Variants in DCHS2 observed in about 807,000 individuals in gnomAD.
The protein encoded by DCHS2 is protocadherin-23.
In DCHS2, 142 loss-of-function variants were observed where a neutral mutation model predicts 182.4. The observed-to-expected ratio is 0.78, with a 90% CI of 0.68 to 0.89. The LOEUF (loss-of-function observed/expected upper bound fraction) is 0.89, where lower values mean the gene tolerates loss of function less well. DCHS2 is among the 40% of genes least tolerant of loss of function. The pLI is 0.00. For synonymous variants in DCHS2, 1,740 were observed against 1,663.3 expected, an observed-to-expected ratio of 1.05 and a Z score of -1.12; for missense variants, 4,319 against 4,198.6, an observed-to-expected ratio of 1.03 and a Z score of -0.79.
intron 3 of DCHS2, among the ~76,000 whole-genome samples, chr4:154,354,099 T>C (rs919014058): frequency 1.1e-4 from 16 of 152,118 alleles, no homozygotes; most frequent in Admixed American, 1.0e-3. Flanking sequence ...GTTAACATTG[T>C]ATTTTTAGTG....
intron 1 of DCHS2, among the ~76,000 whole-genome samples, chr4:154,488,886 A>G (rs1012589410): frequency 8.5e-5 from 10 of 118,036 alleles, no homozygotes; most frequent in African/African-American, 2.1e-4. Context: ...AAATATATAT[A>G]TGTGTGTGTG....
intron 1 of DCHS2, among the ~76,000 whole-genome samples, chr4:154,452,469 C>T (rs916093389): frequency 1.3e-5 from 2 of 151,768 alleles, no homozygotes; most frequent in Non-Finnish European, 1.5e-5. Flanking sequence ...AATAAAAATA[C>T]AAAAATTAGC....
In DCHS2 at chr4:154,304,784, A is replaced by T. The variant is rs1425513377; in HGVS notation, c.5490T>A (p.Ile1830=). 1 of 1,613,892 alleles carries T rather than the reference A, an allele frequency of 6.2e-7. No individual in the cohort carries two copies. The highest frequency in any genetic ancestry group is 1.3e-5 in the African/African-American group (1 of 74,920). ...EDENDHAPEF[I]VSSYDIEVLE... is the part of the protein sequence containing the mutation. Reference sequence around the variant, plus strand: ...GAACCTCAATGTCATAACTGGAAACAATAAACTCTGGTGCGTGATCGTTTT... The same window carrying T: ...GAACCTCAATGTCATAACTGGAAACTATAAACTCTGGTGCGTGATCGTTTT... Residue 1830 remains isoleucine, a synonymous_variant, in exon 12 of 20, where the codon ATT becomes ATA. Coordinates refer to ENST00000357232, the MANE Select transcript of DCHS2 (RefSeq NM_001358235.2).
chr4:154,459,177 T>C, intron 1 of DCHS2, among the ~76,000 whole-genome samples: 1 of 152,064 alleles, frequency 6.6e-6, no homozygotes, highest in Non-Finnish European at 1.5e-5. Flanking sequence ...ATTTCAACAT[T>C]AGATTTGTCA....
chr4:154,378,520 AGAAGGAAGGAAGGAAG>A (rs70947162), intron 1 of DCHS2, among the ~76,000 whole-genome samples: 3 of 64,016 alleles, frequency 4.7e-5, no homozygotes, highest in South Asian at 8.9e-4. Flanking sequence ...AAGGAAGGAA[AGAAGGAAGGAAGGAAG>A]GAAGGAAGGA....
In DCHS2 at chr4:154,320,729, G is replaced by T; in HGVS notation, c.4670C>A (p.Thr1557Lys). 1.9e-6 allele frequency: 3 copies of T among 1,614,050 alleles called. No individual in the cohort carries two copies. The highest frequency in any genetic ancestry group is 2.5e-6 in the Non-Finnish European group (3 of 1,179,992). The change falls in exon 9 of 20, where the codon ACG becomes AAG. Residue 1557 changes from threonine to lysine, a missense_variant. By Grantham distance (78) the Thr-to-Lys change is moderately conservative. Transcript: ENST00000357232. Reference protein sequence around the residue: ...QYYIESHNPGTNPFLIHPSFG... With the variant: ...QYYIESHNPGKNPFLIHPSFG... ...TGAGGGGTGGATGAGAAATGGATTCGTGCCAGGGTTGTGGGATTCAATGTA... is the reference window on the plus strand; with the variant it reads ...TGAGGGGTGGATGAGAAATGGATTCTTGCCAGGGTTGTGGGATTCAATGTA...
At position 154,234,979 on chromosome 4, in the gene DCHS2, C is replaced by G. The variant is rs776823584; in HGVS notation, c.9673G>C (p.Asp3225His). The change falls in exon 20 of 20, where the codon GAT (aspartate) becomes CAT (histidine). Residue 3225 changes from aspartate to histidine, a missense_variant. By Grantham distance (81) the Asp-to-His change is moderately conservative (BLOSUM62 -1). Transcript: ENST00000357232. ...TGATAGTTGTCTTTTCCATCATGAT[C>G]AGAGGTCGTCTGAGTTGAAAGAGCT... ...CAALSTQTTS[D>H]HDGKDNYHWN... The G allele has an allele frequency of 6.2e-7, 1 of 1,614,050 alleles. No homozygotes were observed. Among genetic ancestry groups the G allele is most frequent in the East Asian group, 2.2e-5 (1 of 44,846 alleles).
intron 1 of DCHS2, among the ~76,000 whole-genome samples, chr4:154,405,115 T>C (rs955062267): frequency 5.3e-5 from 8 of 151,974 alleles, no homozygotes; most frequent in African/African-American, 1.9e-4. Context: ...CCAGGCCTGG[T>C]GGCGGTCACC....
chr4:154,468,801 A>G (rs189261417), intron 1 of DCHS2, among the ~76,000 whole-genome samples: 28 of 152,290 alleles, frequency 1.8e-4, no homozygotes, highest in African/African-American at 6.7e-4. Flanking sequence ...ACTATTCATT[A>G]AAATACCAAA....
intron 3 of DCHS2, among the ~76,000 whole-genome samples, chr4:154,338,543 C>T (rs995195488): frequency 6.6e-6 from 1 of 152,142 alleles, no homozygotes; most frequent in African/African-American, 2.4e-5. Flanking sequence ...TGTACATTCT[C>T]CAAAAGGCAC....
chr4:154,251,541 A>AAAG (rs1284376838), intron 16 of DCHS2, among the ~76,000 whole-genome samples: 2 of 152,094 alleles, frequency 1.3e-5, no homozygotes, highest in East Asian at 1.9e-4. Context: ...TTTTTGAGAC[A>AAAG]AAGTCTCACT....
intron 10 of DCHS2, among the ~76,000 whole-genome samples, chr4:154,309,255 C>T (rs537609206): frequency 3.3e-5 from 5 of 152,172 alleles, no homozygotes; most frequent in Non-Finnish European, 7.3e-5. Context: ...CCCTGTGATG[C>T]TGGGTCTGGG....
intron 1 of DCHS2, among the ~76,000 whole-genome samples, chr4:154,378,816 C>T (rs527897447): frequency 6.6e-6 from 1 of 152,292 alleles, no homozygotes; most frequent in South Asian, 2.1e-4. Flanking sequence ...GACACCTTGT[C>T]ATATAATCCT....
chr4:154,491,691 C>A lies in DCHS2; in HGVS notation c.-336G>T. The A allele has an allele frequency of 8.8e-7, 1 of 1,138,692 alleles. No individual in the cohort carries two copies. The highest frequency in any genetic ancestry group is 4.0e-5 in the South Asian group (1 of 24,794). The allele number at this position is 1,138,692 out of a possible 1,614,324, so 70.5% of individuals were successfully genotyped here. A position where few individuals can be genotyped will look rare whatever the true frequency, so the allele number is the denominator to read the frequency against. On this transcript the variant is annotated 5_prime_UTR_variant, in exon 1 of 20. Coordinates refer to ENST00000357232, the MANE Select transcript of DCHS2 (RefSeq NM_001358235.2). ...CTTGTTCTACTCGGCTGGTTGTTCC[C>A]CCCTGGTAAAGTCAGGTGCATTATT... is the stretch of plus-strand genomic sequence containing the variant.
Position 154,389,516 on chromosome 4 carries a change from T to TTATATATATATATA in DCHS2, c.2053-12086_2053-12073dup, listed in dbSNP as rs72440696. Reference sequence around the variant, plus strand: ...TATGTTCTATTCCTAAAGACAAAGGTTATATATATATATATATATAACCTT... The same window carrying TTATATATATATATA: ...TATGTTCTATTCCTAAAGACAAAGGTTATATATATATATATATATATATATATATATATAACCTT... On this transcript the variant is annotated intron_variant, in intron 1 of 19. Transcript: ENST00000357232. Among the ~76,000 whole-genome samples the TTATATATATATATA allele has an allele frequency of 7.3e-3, 808 of 111,158 alleles. 48 individuals carry two copies. The highest frequency in any genetic ancestry group is 0.015 in the African/African-American group (488 of 32,120). The allele number at this position is 111,158 out of a possible 152,430, so 72.9% of individuals were successfully genotyped here.
At chr4:154,489,132 A>T (rs1012271133) in intron 1 of DCHS2, among the ~76,000 whole-genome samples, 172 bp downstream of exon 1, 17 of 150,400 alleles carry the variant, frequency 1.1e-4, no homozygotes, top group African/African-American at 4.1e-4. Flanking sequence ...GGCAAAAAAA[A>T]GTTAGGTGAC....
At chr4:154,416,016 C>A (rs78494696) in intron 1 of DCHS2, among the ~76,000 whole-genome samples, 2 of 151,966 alleles carry the variant, frequency 1.3e-5, no homozygotes, top group African/African-American at 4.8e-5. Flanking sequence ...AATTCTTGCA[C>A]GTGGTTTATA....
At chr4:154,376,228 T>C (rs1000028533) in intron 2 of DCHS2, among the ~76,000 whole-genome samples, 4 of 152,106 alleles carry the variant, frequency 2.6e-5, no homozygotes, top group Admixed American at 2.6e-4. Context: ...TTTCTCTGTA[T>C]GCATTTTATA....
intron 1 of DCHS2, among the ~76,000 whole-genome samples, chr4:154,482,838 G>A (rs1200046666): frequency 1.3e-5 from 2 of 152,090 alleles, no homozygotes; most frequent in Non-Finnish European, 2.9e-5. Context: ...CCTCATGGTG[G>A]CAGGCAAAAA....
Sources: gnomAD v4.1 joint callset for allele counts (sites outside exome capture counted in the v4.1 genomes callset) on GRCh38, gnomAD v4.1.1 for gene constraint, MANE v1.5 for transcripts, NCBI Gene and HGNC (gene_info 2026-07-23, HGNC 2026-07-21) for gene names.